The following DOCK8 variants were observed in gnomAD, a reference collection of about 807,000 sequenced individuals.
DOCK8 encodes dedicator of cytokinesis 8, also known as dedicator of cytokinesis protein 8.
A neutral mutation model predicts 245.6 loss-of-function variants in DOCK8; 141 were observed. The observed-to-expected ratio is 0.57, with a 90% CI of 0.50 to 0.66. The LOEUF is 0.66. DOCK8 is among the 30% of genes least tolerant of loss of function. DOCK8 has a pLI of 0.00. For synonymous variants in DOCK8, 1,168 were observed against 970.2 expected (o/e 1.20, Z -3.79); for missense variants, 2,965 against 2,603.4 (o/e 1.14, Z -3.02).
intron 12 of DOCK8, 42 bp downstream of exon 12, chr9:336,760 C>A (rs368162376): frequency 1.9e-6 from 3 of 1,612,882 alleles, no homozygotes. Flanking sequence ...TTTCCCCATA[C>A]TGGCATGGGC....
chr9:442,031 G>C (rs376233769), intron 42 of DOCK8, 22 bp downstream of exon 42: 1 of 1,613,190 alleles, frequency 6.2e-7, no homozygotes. Flanking sequence ...GATTCTGTGC[G>C]CCTGACCTGG....
chr9:364,083 T>G (rs1471619990), intron 14 of DOCK8, among the ~76,000 whole-genome samples: 1 of 152,174 alleles, frequency 6.6e-6, no homozygotes, highest in Non-Finnish European at 1.5e-5. Flanking sequence ...AGGGGATTCT[T>G]CCAAAAGTAT....
At chr9:275,782 T>A (rs886075304) in intron 2 of DOCK8, among the ~76,000 whole-genome samples, 15 of 152,200 alleles carry the variant, frequency 9.9e-5, no homozygotes, top group Admixed American at 7.2e-4. Context: ...AGAGACAGGG[T>A]TTCACCATGT....
chr9:419,972 C>A, intron 30 of DOCK8: 1 of 261,672 alleles, frequency 3.8e-6, no homozygotes, highest in Non-Finnish European at 7.5e-6. Flanking sequence ...TGGCACCCAG[C>A]CAGTTTCCTT....
chr9:278,917 T>C (rs993718918), intron 2 of DOCK8, among the ~76,000 whole-genome samples: 1 of 152,164 alleles, frequency 6.6e-6, no homozygotes, highest in Admixed American at 6.5e-5. Flanking sequence ...ACCATTTGAC[T>C]TTTTATGAGG....
At chr9:400,742 AG>A (rs1203135543) in intron 26 of DOCK8, among the ~76,000 whole-genome samples, 2 of 66,906 alleles carry the variant, frequency 3.0e-5, no homozygotes, top group Non-Finnish European at 2.7e-5. Flanking sequence ...CACCACCACC[AG>A]CATCTTCACC....
In DOCK8 at chr9:252,262, C is replaced by T. The variant is rs551922312; in HGVS notation, c.54-19365C>T. On this transcript the variant is annotated intron_variant, in intron 1 of 47. Transcript: ENST00000432829. ...TGCTGGGATTACAAGCGTGAGCCACCGTGCCCAGCCCCAAGGGAATTCTTA... is the reference window on the plus strand; with the variant it reads ...TGCTGGGATTACAAGCGTGAGCCACTGTGCCCAGCCCCAAGGGAATTCTTA... Among the ~76,000 whole-genome samples, 19 of 151,844 alleles carry T rather than the reference C, an allele frequency of 1.3e-4. No homozygotes were observed. The South Asian group carries it at 2.7e-3, about 22-fold the overall frequency.
At chr9:399,331 C>T (rs144733513) in intron 26 of DOCK8, 72 bp downstream of exon 26, 14 of 1,049,658 alleles carry the variant, frequency 1.3e-5, no homozygotes, top group Admixed American at 2.0e-5. Context: ...ATGTTCGTTG[C>T]CATGGCACGC....
At chr9:211,556 G>GGGCT (rs2046620427), upstream of DOCK8, among the ~76,000 whole-genome samples, 1 of 152,118 alleles carries the variant, frequency 6.6e-6, no homozygotes, top group Non-Finnish European at 1.5e-5. Flanking sequence ...TAATTTATAA[G>GGGCT]GGCTGGACCG....
intron 1 of DOCK8, among the ~76,000 whole-genome samples, chr9:230,422 A>G (rs982424722): frequency 2.0e-5 from 3 of 152,138 alleles, no homozygotes; most frequent in African/African-American, 7.2e-5. Flanking sequence ...ACCCAGTAAT[A>G]GGATGGCTGG....
chr9:432,336 C>T lies in DOCK8; in HGVS notation c.4785+12C>T, dbSNP rs765167110. ...CTTTTCCCACCCAGGTACACCGAAG[C>T]ACATACCTTGTCTCATGCATGAGTT... On this transcript the variant is annotated intron_variant, in intron 37 of 47. Coordinates refer to ENST00000432829, the MANE Select transcript of DOCK8 (RefSeq NM_203447.4). The T allele has an allele frequency of 1.2e-6, 2 of 1,613,758 alleles. No individual in the cohort carries two copies. The highest frequency in any genetic ancestry group is 1.7e-6 in the Non-Finnish European group (2 of 1,179,872).
intron 46 of DOCK8, chr9:458,289 A>G (rs1285942440): frequency 6.6e-6 from 1 of 152,174 alleles, no homozygotes; most frequent in Non-Finnish European, 1.5e-5. Context: ...CATCTAGGCA[A>G]GTCAGGAGTA....
chr9:370,809 A>T (rs376648953), intron 16 of DOCK8, among the ~76,000 whole-genome samples: 1 of 152,186 alleles, frequency 6.6e-6, no homozygotes, highest in Non-Finnish European at 1.5e-5. Flanking sequence ...ACACCTGCAC[A>T]GTGTTGGACG....
At chr9:429,632 A>G (rs1190745363) in intron 35 of DOCK8, 70 bp from the exon 36 acceptor site, 3 of 1,577,204 alleles carry the variant, frequency 1.9e-6, no homozygotes, top group Admixed American at 1.9e-5. Flanking sequence ...GGACATTTGC[A>G]TATTTCAACG....
At chr9:308,537 T>G (rs545152618) in intron 5 of DOCK8, among the ~76,000 whole-genome samples, 2 of 152,296 alleles carry the variant, frequency 1.3e-5, no homozygotes, top group South Asian at 4.1e-4. Context: ...AACAAGTATA[T>G]GATAAGATTC....
intron 32 of DOCK8, 40 bp from the exon 33 acceptor site, chr9:422,008 A>G (rs373085710): frequency 6.8e-4 from 1,048 of 1,535,580 alleles, no homozygotes; most frequent in Non-Finnish European, 8.8e-4. Context: ...GGAGGGTTTC[A>G]TGCTAATCAA....
intron 1 of DOCK8, among the ~76,000 whole-genome samples, chr9:264,253 A>G (rs1213825631): frequency 6.6e-6 from 1 of 152,252 alleles, no homozygotes; most frequent in African/African-American, 2.4e-5. Flanking sequence ...ATGTCTCTGA[A>G]GACAGTGAGA....
chr9:235,162 C>T (rs1196786483), intron 1 of DOCK8, among the ~76,000 whole-genome samples: 1 of 152,218 alleles, frequency 6.6e-6, no homozygotes, highest in Non-Finnish European at 1.5e-5. Context: ...TAGAGGTCCA[C>T]TCCAGACGCT....
At chr9:360,954 G>A (rs1414363090) in intron 14 of DOCK8, among the ~76,000 whole-genome samples, 1 of 152,132 alleles carries the variant, frequency 6.6e-6, no homozygotes, top group Non-Finnish European at 1.5e-5. Flanking sequence ...GAGCCCAGGA[G>A]TTCGAGACCA....
Sources: gnomAD v4.1 joint callset for allele counts (sites outside exome capture counted in the v4.1 genomes callset) on GRCh38, gnomAD v4.1.1 for gene constraint, MANE v1.5 for transcripts, NCBI Gene and HGNC (gene_info 2026-07-23, HGNC 2026-07-21) for gene names.